Variants in CACNA1C observed in about 807,000 individuals in gnomAD.
CACNA1C encodes the protein voltage-dependent L-type calcium channel subunit alpha-1C.
In CACNA1C, 30 loss-of-function variants were observed where a neutral mutation model predicts 229.0. That is an observed-to-expected ratio of 0.13 (90% confidence interval 0.10 to 0.18). The LOEUF (loss-of-function observed/expected upper bound fraction) is 0.18. CACNA1C is among the 10% of genes least tolerant of loss of function. The probability of loss-of-function intolerance (pLI) is 1.00; values close to 1 mark genes in which losing one functional copy is unlikely to be tolerated. For synonymous variants in CACNA1C, 1,114 were observed against 1,132.5 expected, an observed-to-expected ratio of 0.98 and a Z score of 0.33; for missense variants, 1,658 against 2,845.0, an observed-to-expected ratio of 0.58 and a Z score of 9.49.
At chr12:2,660,435 C>A in intron 34 of CACNA1C, 1 of 153,020 alleles carries the variant, frequency 6.5e-6, no homozygotes, top group East Asian at 1.9e-4. Flanking sequence ...GTCAGGAACC[C>A]AGGACCAAAG....
intron 3 of CACNA1C, among the ~76,000 whole-genome samples, chr12:2,330,208 C>T (rs1342327588): frequency 2.0e-5 from 3 of 152,144 alleles, no homozygotes; most frequent in Admixed American, 6.5e-5. Flanking sequence ...AATTTGCCTA[C>T]GTAGGTCAAT....
rs146035507 is a variant in CACNA1C at position 2,390,455 on chromosome 12, G to A, written c.478-58521G>A. Among the ~76,000 whole-genome samples, 9 of 152,308 alleles carry A rather than the reference G, an allele frequency of 5.9e-5. 1 individual carries two copies. In the South Asian group the frequency reaches 1.2e-3, roughly 21 times the overall value. Reference sequence around the variant, plus strand: ...AGGCATTGTTCCAGACACTAGAACCGACAACAAGATATAATCCTTGCCTTA... The same window carrying A: ...AGGCATTGTTCCAGACACTAGAACCAACAACAAGATATAATCCTTGCCTTA... On this transcript the variant is annotated intron_variant, in intron 3 of 46. Transcript: ENST00000399655.
intron 1 of CACNA1C, among the ~76,000 whole-genome samples, chr12:1,997,075 T>C (rs2041108856): frequency 6.6e-6 from 1 of 151,872 alleles, no homozygotes; most frequent in Non-Finnish European, 1.5e-5. Flanking sequence ...TGTCTCTATA[T>C]GCACTCGTAA....
chr12:2,332,239 A>G (rs1292688127), intron 3 of CACNA1C, among the ~76,000 whole-genome samples: 1 of 152,228 alleles, frequency 6.6e-6, no homozygotes, highest in Non-Finnish European at 1.5e-5. Flanking sequence ...CTATTGAGGA[A>G]TAATAAAGCA....
At chr12:2,413,183 A>C (rs2098827455) in intron 3 of CACNA1C, among the ~76,000 whole-genome samples, 1 of 118,962 alleles carries the variant, frequency 8.4e-6, no homozygotes, top group African/African-American at 3.3e-5. Context: ...ACGCCCAGCT[A>C]ATTTTTGTAT....
intron 1 of CACNA1C, among the ~76,000 whole-genome samples, chr12:2,081,034 T>C (rs972393978): frequency 6.6e-6 from 1 of 152,190 alleles, no homozygotes; most frequent in African/African-American, 2.4e-5. Context: ...GCACACTGAG[T>C]ATTGAGTAGG....
intron 30 of CACNA1C, chr12:2,641,721 G>A (rs1213449180): frequency 8.5e-6 from 6 of 702,396 alleles, no homozygotes; most frequent in South Asian, 1.5e-5. Context: ...AAGAGAAGGC[G>A]ATGCTCAACC....
intron 1 of CACNA1C, among the ~76,000 whole-genome samples, chr12:2,041,303 G>C (rs2050056167): frequency 7.8e-6 from 1 of 128,212 alleles, no homozygotes; most frequent in East Asian, 2.6e-4. Context: ...TTGAGACGGA[G>C]TCTTGCTGTT....
intron 9 of CACNA1C, among the ~76,000 whole-genome samples, chr12:2,533,934 C>A (rs990823687): frequency 6.6e-6 from 1 of 152,166 alleles, no homozygotes; most frequent in African/African-American, 2.4e-5. Context: ...CTGGACTCTC[C>A]TAATGAACGA....
rs145868741 is a variant in CACNA1C at position 2,695,826 on chromosome 12, A to T, written c.*4627A>T. The T allele has an allele frequency of 2.4e-4, 37 of 152,334 alleles. No homozygotes were observed. Among genetic ancestry groups the T allele is most frequent in the African/African-American group, 8.7e-4 (36 of 41,574 alleles). The allele number at this position is 152,334 out of a possible 1,614,324, so 9.4% of individuals were successfully genotyped here. ...CAATGAAACTTTTCTTTCTGGAGCC[A>T]GATACCAATACAACAGGTGAACGGG... On this transcript the variant is annotated 3_prime_UTR_variant, in exon 47 of 47. Transcript: ENST00000399655.
At position 2,691,058 on chromosome 12, in the gene CACNA1C, C is replaced by T; in HGVS notation, c.6276C>T (p.Gly2092=). 1 of 1,607,522 alleles carries T rather than the reference C, an allele frequency of 6.2e-7. No individual in the cohort carries two copies. The highest frequency in any genetic ancestry group is 2.2e-5 in the East Asian group (1 of 44,554). Residue 2092 remains glycine (G), a synonymous_variant, in exon 47 of 47, where the codon GGC becomes GGT. Coordinates refer to ENST00000399655, the MANE Select transcript of CACNA1C (RefSeq NM_000719.7). The part of the protein sequence containing the change: ...LSGGAPQSPN[G]ALLPFVNCRD... Reference sequence around the variant, plus strand: ...GGGGCGCCCCACAGAGCCCCAATGGCGCCCTCTTACCCTTTGTGAACTGCA... The same window carrying T: ...GGGGCGCCCCACAGAGCCCCAATGGTGCCCTCTTACCCTTTGTGAACTGCA...
At chr12:2,604,115 T>C (rs986677040) in intron 22 of CACNA1C, among the ~76,000 whole-genome samples, 2 of 152,114 alleles carry the variant, frequency 1.3e-5, no homozygotes, top group African/African-American at 4.8e-5. Context: ...TTATGGCCAG[T>C]TTTTATACAG....
chr12:2,237,796 T>C (rs1398817619), intron 3 of CACNA1C, among the ~76,000 whole-genome samples: 1 of 152,244 alleles, frequency 6.6e-6, no homozygotes, highest in Admixed American at 6.5e-5. Context: ...AGCACTGTTT[T>C]TACTGCTAAG....
intron 3 of CACNA1C, among the ~76,000 whole-genome samples, chr12:2,178,320 G>A (rs927071271): frequency 6.6e-6 from 1 of 152,204 alleles, no homozygotes; most frequent in Admixed American, 6.5e-5. Flanking sequence ...AGGGAAGGGA[G>A]CTAGCACTTG....
chr12:2,450,831 C>T (rs532998976), intron 4 of CACNA1C, among the ~76,000 whole-genome samples: 35 of 152,206 alleles, frequency 2.3e-4, no homozygotes, highest in African/African-American at 5.8e-4. Flanking sequence ...TGTGCCATCC[C>T]GGAGGAGACA....
At chr12:2,522,301 A>C (rs972994160) in intron 9 of CACNA1C, among the ~76,000 whole-genome samples, 1 of 152,214 alleles carries the variant, frequency 6.6e-6, no homozygotes, top group African/African-American at 2.4e-5. Flanking sequence ...TCTCCCACTC[A>C]GTATGTAGGG....
Position 2,666,718 on chromosome 12 carries a change from T to C in CACNA1C, c.4559T>C (p.Leu1520Pro). 1 of 1,601,060 alleles carries C rather than the reference T, an allele frequency of 6.2e-7. No homozygotes were observed. The highest frequency in any genetic ancestry group is 8.5e-7 in the Non-Finnish European group (1 of 1,173,684). The stretch of plus-strand genomic sequence containing the variant: ...ATCAAACACCTGGATGTGGTGACCC[T>C]CCTCCGGCGGATTCAGCCGCCACTA... ...GRIKHLDVVT[L>P]LRRIQPPLGF... The change falls in exon 37 of 47, where the codon CTC becomes CCC. Residue 1520 changes from leucine (L) to proline (P), a missense_variant. Leu to Pro is a moderately conservative substitution (Grantham distance 98, BLOSUM62 -3). Transcript: ENST00000399655. The surrounding 1 kb of genome is among the most constrained non-coding windows in gnomAD (Gnocchi z 5.3).
At chr12:2,282,044 A>G (rs2091438528) in intron 3 of CACNA1C, among the ~76,000 whole-genome samples, 1 of 151,840 alleles carries the variant, frequency 6.6e-6, no homozygotes, top group African/African-American at 2.4e-5. Flanking sequence ...TTTGCCATAC[A>G]TAATTTGCCT....
chr12:2,156,728 C>T (rs1050670202), intron 3 of CACNA1C, among the ~76,000 whole-genome samples: 4 of 152,208 alleles, frequency 2.6e-5, no homozygotes, highest in Admixed American at 1.3e-4. Context: ...TGCAAGTACC[C>T]GTGAATTCCA....
Sources: gnomAD v4.1 joint callset for allele counts (sites outside exome capture counted in the v4.1 genomes callset) on GRCh38, gnomAD v4.1.1 for gene constraint, Gnocchi (gnomAD v3.1) non-coding constraint, MANE v1.5 for transcripts, NCBI Gene and HGNC (gene_info 2026-07-23, HGNC 2026-07-21) for gene names.